TBCA: variants seen among roughly 807,000 people sequenced by gnomAD.
TBCA encodes the protein tubulin folding cofactor A.
In TBCA, 6 loss-of-function variants were observed where a neutral mutation model predicts 15.8. The ratio of observed to expected loss-of-function variants is 0.38; its 90% CI spans 0.21 to 0.75. The LOEUF (loss-of-function observed/expected upper bound fraction) is 0.75. Ranked by LOEUF, TBCA falls within the 30% of genes least tolerant of loss-of-function variation. TBCA has a pLI of 0.46. For synonymous variants in TBCA, 32 were observed against 42.3 expected, an observed-to-expected ratio of 0.76 and a Z score of 0.94; for missense variants, 90 against 131.2, an observed-to-expected ratio of 0.69 and a Z score of 1.53.
At chr5:77,761,547 C>T (rs1193781990) in intron 1 of TBCA, among the ~76,000 whole-genome samples, 4 of 152,004 alleles carry the variant, frequency 2.6e-5, no homozygotes, top group Non-Finnish European at 5.9e-5. Flanking sequence ...CCTTTGTTCA[C>T]GTGTTTATCT....
intron 1 of TBCA, among the ~76,000 whole-genome samples, chr5:77,724,058 A>G (rs1746579737): frequency 6.6e-6 from 1 of 152,068 alleles, no homozygotes; most frequent in African/African-American, 2.4e-5. Context: ...TGTTTTCTCA[A>G]TTCACACAAA....
At chr5:77,760,774 C>A (rs1265472794) in intron 1 of TBCA, among the ~76,000 whole-genome samples, 1 of 152,224 alleles carries the variant, frequency 6.6e-6, no homozygotes, top group Non-Finnish European at 1.5e-5. Context: ...CTCGCTACAA[C>A]CTCCACCTCC....
At position 77,776,258 on chromosome 5, in the gene TBCA, G is replaced by T; in HGVS notation, c.-1C>A. The T allele has an allele frequency of 6.3e-7, 1 of 1,578,948 alleles. No homozygotes were observed. The highest frequency in any genetic ancestry group is 1.2e-5 in the South Asian group (1 of 86,178). On this transcript the variant is annotated 5_prime_UTR_variant, in exon 1 of 4. Coordinates refer to ENST00000380377, the MANE Select transcript of TBCA (RefSeq NM_004607.3). ...TCTGTCTCACGCGAGGATCGGCCAT[G>T]GTCCCTCGAGCGCCGCGAGAAGGAG...
chr5:77,760,961 T>C (rs147585934), intron 1 of TBCA, among the ~76,000 whole-genome samples: 2 of 20,896 alleles, frequency 9.6e-5, no homozygotes, highest in South Asian at 1.4e-3. Flanking sequence ...CGGCCACCCA[T>C]CGTCTGGGAA....
intron 1 of TBCA, among the ~76,000 whole-genome samples, chr5:77,744,673 T>C (rs1300870325): frequency 6.6e-6 from 1 of 151,418 alleles, no homozygotes; most frequent in Non-Finnish European, 1.5e-5. Context: ...GCAGCTGGGA[T>C]TACAGGCATC....
intron 2 of TBCA, chr5:77,705,710 C>T: frequency 2.5e-6 from 1 of 396,262 alleles, no homozygotes; most frequent in Non-Finnish European, 4.4e-6. Context: ...CATCTGTAGT[C>T]CCAGCTACTC....
intron 1 of TBCA, among the ~76,000 whole-genome samples, chr5:77,771,979 C>T (rs1405012408): frequency 6.6e-6 from 1 of 151,784 alleles, no homozygotes; most frequent in Non-Finnish European, 1.5e-5. Flanking sequence ...AAGGTTGTGA[C>T]TTCCGAAGAT....
chr5:77,707,331 A>C (rs953821305), intron 2 of TBCA, among the ~76,000 whole-genome samples: 9 of 152,172 alleles, frequency 5.9e-5, no homozygotes, highest in Non-Finnish European at 1.3e-4. Flanking sequence ...TGTTCAATAT[A>C]TGCTATCATG....
At chr5:77,733,109 C>T (rs1260357675) in intron 1 of TBCA, among the ~76,000 whole-genome samples, 1 of 152,124 alleles carries the variant, frequency 6.6e-6, no homozygotes, top group Non-Finnish European at 1.5e-5. Flanking sequence ...GGCGAAACCC[C>T]GTCTCTACTA....
chr5:77,711,351 C>T (rs1161335590), intron 1 of TBCA, among the ~76,000 whole-genome samples: 1 of 152,162 alleles, frequency 6.6e-6, no homozygotes. Flanking sequence ...GGGTTGCTGA[C>T]CCCTGACTTG....
intron 1 of TBCA, among the ~76,000 whole-genome samples, chr5:77,728,613 C>T (rs1441611192): frequency 6.6e-6 from 1 of 152,164 alleles, no homozygotes; most frequent in East Asian, 1.9e-4. Flanking sequence ...CAGCAATAAA[C>T]TTGTGTGTTA....
Position 77,759,830 on chromosome 5 carries a change from T to C in TBCA, c.53+16375A>G, listed in dbSNP as rs376469736. ...TACTTTGTATAAGTATGTATACTTA[T>C]ACAATATACTTATAAGTATGCATAA... is the stretch of plus-strand genomic sequence containing the variant. On this transcript the variant is annotated intron_variant, in intron 1 of 3. Coordinates refer to ENST00000380377, the MANE Select transcript of TBCA (RefSeq NM_004607.3). Among the ~76,000 whole-genome samples the C allele has an allele frequency of 7.2e-5, 11 of 152,302 alleles. No individual in the cohort carries two copies. The South Asian group carries it at 1.7e-3, about 23-fold the overall frequency.
intron 1 of TBCA, among the ~76,000 whole-genome samples, chr5:77,770,739 G>A (rs353918): frequency 0.46 from 64,666 of 140,748 alleles, 14,142 homozygotes; most frequent in East Asian, 0.53. Flanking sequence ...AAAAAAAAAA[G>A]AAAAAAAACA....
At chr5:77,733,896 C>A (rs574743439) in intron 1 of TBCA, among the ~76,000 whole-genome samples, 1 of 152,222 alleles carries the variant, frequency 6.6e-6, no homozygotes, top group Non-Finnish European at 1.5e-5. Flanking sequence ...AAGAGGCTGA[C>A]TCTCTTGCTA....
intron 1 of TBCA, among the ~76,000 whole-genome samples, chr5:77,734,530 A>G (rs1457213238): frequency 6.6e-6 from 1 of 152,212 alleles, no homozygotes; most frequent in Non-Finnish European, 1.5e-5. Context: ...ATAGCAAGAG[A>G]AACAGAAGCA....
chr5:77,757,150 T>C (rs1025837974), intron 1 of TBCA, among the ~76,000 whole-genome samples: 1 of 152,144 alleles, frequency 6.6e-6, no homozygotes, highest in African/African-American at 2.4e-5. Context: ...CCACGTCAGG[T>C]AGAGTTGGTC....
chr5:77,702,911 A>C (rs1334801972), intron 2 of TBCA, among the ~76,000 whole-genome samples: 1 of 152,170 alleles, frequency 6.6e-6, no homozygotes, highest in Non-Finnish European at 1.5e-5. Context: ...CTACTGATTA[A>C]AAGAAAATCT....
At chr5:77,740,794 C>A (rs1747013654) in intron 1 of TBCA, among the ~76,000 whole-genome samples, 1 of 150,332 alleles carries the variant, frequency 6.7e-6, no homozygotes, top group South Asian at 2.1e-4. Flanking sequence ...GGGAAAAAAG[C>A]CCCAGGTAGA....
intron 1 of TBCA, among the ~76,000 whole-genome samples, chr5:77,763,197 T>G (rs397698): frequency 6.6e-6 from 1 of 151,820 alleles, no homozygotes; most frequent in African/African-American, 2.4e-5. Context: ...TGAGTCGAGA[T>G]TGCGCCACTG....
Sources: allele counts gnomAD v4.1 joint callset (sites outside exome capture counted in the v4.1 genomes callset), GRCh38; gene constraint gnomAD v4.1.1; transcripts MANE v1.5; gene names NCBI Gene and HGNC (gene_info 2026-07-23, HGNC 2026-07-21).